Variants in MTUS2 observed in about 807,000 individuals in gnomAD.
MTUS2 encodes the protein microtubule associated scaffold protein 2.
Under a neutral mutation model 114.1 loss-of-function variants are expected in MTUS2, and 40 were observed. That is an observed-to-expected ratio of 0.35 (90% CI 0.27 to 0.46). The LOEUF (loss-of-function observed/expected upper bound fraction) is 0.46, where lower values mean the gene tolerates loss of function less well. Among genes scored for constraint, MTUS2 ranks in the 20% least tolerant of loss-of-function variants. The pLI is 1.00. For synonymous variants in MTUS2, 688 were observed against 672.0 expected, an observed-to-expected ratio of 1.02 and a Z score of -0.37; for missense variants, 1,679 against 1,705.4, an observed-to-expected ratio of 0.98 and a Z score of 0.27.
intron 5 of MTUS2, among the ~76,000 whole-genome samples, chr13:29,241,373 T>G (rs1896726231): frequency 6.6e-6 from 1 of 152,194 alleles, no homozygotes; most frequent in Non-Finnish European, 1.5e-5. Context: ...AGTAATTATA[T>G]TATTTATAAG....
In MTUS2 at chr13:29,026,438, G is replaced by A; in HGVS notation, c.1740G>A (p.Leu580=). ...VVPPPTDSAR[L]LNTSPKVPDK... is the part of the protein sequence containing the mutation. The stretch of plus-strand genomic sequence containing the variant: ...CACCCCCTACTGATAGTGCACGCTT[G>A]TTGAACACGTCCCCCAAAGTGCCTG... The change falls in exon 3 of 16, where the codon TTG becomes TTA. Residue 580 remains leucine (L), a synonymous_variant. Coordinates refer to ENST00000612955, the MANE Select transcript of MTUS2 (RefSeq NM_001033602.4). 6.2e-7 allele frequency: 1 copy of A among 1,613,974 alleles called. No homozygotes were observed. The highest frequency in any genetic ancestry group is 1.3e-5 in the African/African-American group (1 of 75,034).
chr13:29,481,467 G>T (rs146094996), intron 10 of MTUS2, among the ~76,000 whole-genome samples: 320 of 151,932 alleles, frequency 2.1e-3, no homozygotes, highest in African/African-American at 7.3e-3. Context: ...TTGGTGTGTT[G>T]CTTTATATAG....
chr13:29,298,302 TC>T (rs1157690531), intron 6 of MTUS2, among the ~76,000 whole-genome samples: 2 of 152,214 alleles, frequency 1.3e-5, no homozygotes, highest in East Asian at 3.8e-4. Context: ...TGAGTTCCTC[TC>T]TACCTAAGGA....
chr13:29,042,846 A>T (rs890594256), intron 4 of MTUS2, among the ~76,000 whole-genome samples: 3 of 148,680 alleles, frequency 2.0e-5, no homozygotes, highest in African/African-American at 7.4e-5. Flanking sequence ...GTTTATTTGG[A>T]TCTTCCCTCC....
intron 10 of MTUS2, among the ~76,000 whole-genome samples, chr13:29,485,958 T>C (rs1215492676): frequency 2.6e-5 from 4 of 152,220 alleles, no homozygotes; most frequent in African/African-American, 7.2e-5. Flanking sequence ...GCCTGTGTTT[T>C]TACAGTGTGC....
intron 6 of MTUS2, among the ~76,000 whole-genome samples, chr13:29,308,218 A>G (rs1899573011): frequency 6.6e-6 from 1 of 152,202 alleles, no homozygotes; most frequent in South Asian, 2.1e-4. Context: ...ACATAGACCA[A>G]TGGAACAGAA....
At chr13:28,988,179 G>A (rs956179455) in intron 2 of MTUS2, among the ~76,000 whole-genome samples, 1 of 152,046 alleles carries the variant, frequency 6.6e-6, no homozygotes, top group African/African-American at 2.4e-5. Flanking sequence ...TTCTGTTTCT[G>A]GGACTGGAGG....
At position 28,986,803 on chromosome 13, in the gene MTUS2, CTATT is replaced by C. The variant is rs1297552557; in HGVS notation, c.-242-37651_-242-37648del. 8.5e-5 allele frequency among the ~76,000 whole-genome samples: 13 copies of C among 152,292 alleles called. No homozygotes were observed. In the East Asian group the frequency reaches 1.9e-3, roughly 23 times the overall value. On this transcript the variant is annotated intron_variant, in intron 2 of 15. Transcript: ENST00000612955. ...CTAGGGAGCCACTGGTCCCATGTAA[CTATT>C]TACATTACAATTAAAATAATTAAAT...
At chr13:29,353,731 A>G (rs780854724) in intron 7 of MTUS2, among the ~76,000 whole-genome samples, 23 of 152,198 alleles carry the variant, frequency 1.5e-4, no homozygotes, top group Non-Finnish European at 2.6e-4. Context: ...TAATTTTTCT[A>G]CACTACTGAG....
At chr13:28,876,767 A>G (rs966577176) in intron 2 of MTUS2, among the ~76,000 whole-genome samples, 1 of 152,176 alleles carries the variant, frequency 6.6e-6, no homozygotes, top group African/African-American at 2.4e-5. Context: ...TCAGGGTTTC[A>G]TTAGGAAGGA....
intron 2 of MTUS2, among the ~76,000 whole-genome samples, chr13:28,988,038 G>A (rs1007443334): frequency 5.3e-5 from 8 of 152,162 alleles, no homozygotes; most frequent in African/African-American, 1.9e-4. Context: ...GTCTGGAGGA[G>A]GGACCCAGGT....
intron 10 of MTUS2, among the ~76,000 whole-genome samples, chr13:29,483,666 G>C (rs931048406): frequency 4.6e-5 from 7 of 152,230 alleles, no homozygotes; most frequent in Non-Finnish European, 1.0e-4. Context: ...AGGGGGACCT[G>C]AGGGGGTGGT....
At chr13:29,226,142 C>A (rs559292412) in intron 5 of MTUS2, among the ~76,000 whole-genome samples, 1 of 152,230 alleles carries the variant, frequency 6.6e-6, no homozygotes, top group African/African-American at 2.4e-5. Context: ...GCAGCCTCCC[C>A]CAGATTAAAA....
At chr13:29,441,289 C>T (rs1047335491) in intron 9 of MTUS2, among the ~76,000 whole-genome samples, 2 of 152,136 alleles carry the variant, frequency 1.3e-5, no homozygotes, top group African/African-American at 4.8e-5. Context: ...CCCTGGAAAG[C>T]TGAGGTCCAT....
chr13:28,897,491 G>A (rs368026695), intron 2 of MTUS2, among the ~76,000 whole-genome samples: 5 of 152,266 alleles, frequency 3.3e-5, no homozygotes, highest in East Asian at 1.9e-4. Flanking sequence ...TCAGTGTGGC[G>A]ATTCCTCAGG....
intron 2 of MTUS2, among the ~76,000 whole-genome samples, chr13:28,865,478 A>G (rs768269304): frequency 6.6e-6 from 1 of 152,250 alleles, no homozygotes; most frequent in Non-Finnish European, 1.5e-5. Context: ...GCAAATTGCC[A>G]TGCTTTTCTC....
At chr13:29,252,471 G>A (rs1897154808) in intron 5 of MTUS2, among the ~76,000 whole-genome samples, 1 of 152,098 alleles carries the variant, frequency 6.6e-6, no homozygotes, top group African/African-American at 2.4e-5. Context: ...GTTGCTGCAG[G>A]GATTGCATGT....
intron 5 of MTUS2, among the ~76,000 whole-genome samples, chr13:29,188,461 T>C (rs187799324): frequency 6.6e-6 from 1 of 152,264 alleles, no homozygotes; most frequent in Admixed American, 6.5e-5. Context: ...ATCCATTAGC[T>C]CAAAAGCCTG....
chr13:28,954,647 G>T (rs1347843579), intron 2 of MTUS2, among the ~76,000 whole-genome samples: 1 of 152,108 alleles, frequency 6.6e-6, no homozygotes, highest in African/African-American at 2.4e-5. Context: ...GCAGAGGTAG[G>T]ATTTTAACAG....
Sources: gnomAD v4.1 joint callset for allele counts (sites outside exome capture counted in the v4.1 genomes callset) on GRCh38, gnomAD v4.1.1 for gene constraint, MANE v1.5 for transcripts, NCBI Gene and HGNC (gene_info 2026-07-23, HGNC 2026-07-21) for gene names.